The following OIP5 variants were observed in gnomAD, a reference collection of about 807,000 sequenced individuals.
OIP5 encodes the protein Opa interacting protein 5.
A neutral mutation model predicts 20.3 loss-of-function variants in OIP5; 24 were observed. The ratio of observed to expected loss-of-function variants is 1.18; its 90% CI spans 0.86 to 1.66. The LOEUF is 1.66. OIP5 is among the 40% of genes most tolerant of loss of function. The pLI, the probability that OIP5 is intolerant of heterozygous loss-of-function variation, is 0.00. For synonymous variants in OIP5, 143 were observed against 121.3 expected, an observed-to-expected ratio of 1.18 and a Z score of -1.17; for missense variants, 339 against 289.5, an observed-to-expected ratio of 1.17 and a Z score of -1.24.
chr15:41,332,419 G>T lies in OIP5; in HGVS notation c.143C>A (p.Ser48Ter), dbSNP rs1595507462. 1.2e-6 allele frequency: 2 copies of T among 1,613,990 alleles called. No individual in the cohort carries two copies. The highest frequency in any genetic ancestry group is 1.7e-6 in the Non-Finnish European group (2 of 1,179,908). ...EWDTQVVKGSSPLGPAGLGAE... is the reference protein window; with the variant it reads ...EWDTQVVKGS The stretch of plus-strand genomic sequence containing the variant: ...CCCCAGCCCTGCGGGGCCGAGCGGC[G>T]AGGACCCCTTCACCACCTGCGTATC... Residue 48 changes from serine (S) to a stop codon, truncating the protein, a stop_gained, in exon 1 of 5, where the codon TCG becomes TAG. Coordinates refer to ENST00000220514, the MANE Select transcript of OIP5 (RefSeq NM_007280.2). LOFTEE classifies it high-confidence loss of function.
chr15:41,319,239 CTTTT>C (rs567039095), intron 3 of OIP5, among the ~76,000 whole-genome samples: 2 of 142,030 alleles, frequency 1.4e-5, no homozygotes, highest in Admixed American at 7.1e-5. Context: ...TGCCCAGCTA[CTTTT>C]TTTTTTTTTT....
intron 2 of OIP5, among the ~76,000 whole-genome samples, chr15:41,330,644 C>CCGCCCGCCT (rs1255910517): frequency 1.3e-5 from 2 of 151,904 alleles, no homozygotes; most frequent in Admixed American, 1.3e-4. Flanking sequence ...ACCTTGTGAT[C>CCGCCCGCCT]CGCCCGCCTC....
Position 41,309,641 on chromosome 15 carries a change from C to G in OIP5, c.*113G>C. Reference sequence around the variant, plus strand: ...AAATCAGCCTAAAGGTAAATAGAAACTGCATTTCCCCTCCATTCTTGAAGC... The same window carrying G: ...AAATCAGCCTAAAGGTAAATAGAAAGTGCATTTCCCCTCCATTCTTGAAGC... On this transcript the variant is annotated 3_prime_UTR_variant, in exon 5 of 5. Coordinates refer to ENST00000220514, the MANE Select transcript of OIP5 (RefSeq NM_007280.2). The G allele has an allele frequency of 1.5e-6, 1 of 658,752 alleles. No individual in the cohort carries two copies. Among genetic ancestry groups the G allele is most frequent in the Non-Finnish European group, 2.6e-6 (1 of 382,858 alleles). The allele number at this position is 658,752 out of a possible 1,614,324, so 40.8% of individuals were successfully genotyped here. A position where few individuals can be genotyped will look rare whatever the true frequency, so the allele number is the denominator to read the frequency against.
rs1261654005 is a variant in OIP5, at chr15:41,317,629, C to G, written c.512+2029G>C. 2.0e-5 allele frequency among the ~76,000 whole-genome samples: 3 copies of G among 151,986 alleles called. No individual in the cohort carries two copies. The East Asian group carries it at 5.8e-4, about 29-fold the overall frequency. On this transcript the variant is annotated intron_variant, in intron 3 of 4. Coordinates refer to ENST00000220514, the MANE Select transcript of OIP5 (RefSeq NM_007280.2). ...TCTCCTGACCTCATGATCTGCCCAC[C>G]TCGGCCTCCCAAAGTACTGGGGTTA...
chr15:41,320,636 C>T (rs1358001326), intron 2 of OIP5, among the ~76,000 whole-genome samples: 4 of 152,184 alleles, frequency 2.6e-5, no homozygotes, highest in Admixed American at 2.0e-4. Context: ...CTCGCTACAA[C>T]CTCCACCTCC....
At chr15:41,322,222 T>C (rs1043988919) in intron 2 of OIP5, among the ~76,000 whole-genome samples, 1 of 152,148 alleles carries the variant, frequency 6.6e-6, no homozygotes, top group Non-Finnish European at 1.5e-5. Flanking sequence ...GCAGATAGCT[T>C]GAGCCCAGGA....
At chr15:41,319,615 T>C in intron 3 of OIP5, 43 bp downstream of exon 3, 1 of 1,558,124 alleles carries the variant, frequency 6.4e-7, no homozygotes, top group South Asian at 1.2e-5. Context: ...TCAAAATAAA[T>C]AAAATAAAAT....
intron 2 of OIP5, among the ~76,000 whole-genome samples, chr15:41,322,672 C>T (rs1595502105): frequency 6.6e-6 from 1 of 152,174 alleles, no homozygotes; most frequent in African/African-American, 2.4e-5. Context: ...TGATGGCTCA[C>T]GCCTGTAATC....
At chr15:41,319,847 G>T in intron 2 of OIP5, 67 bp from the exon 3 acceptor site, 1 of 1,368,008 alleles carries the variant, frequency 7.3e-7, no homozygotes, top group East Asian at 2.5e-5. Context: ...AAAATAACTA[G>T]TCTCTGAAGC....
intron 3 of OIP5, among the ~76,000 whole-genome samples, chr15:41,314,620 A>G (rs8038355): frequency 6.7e-6 from 1 of 150,162 alleles, no homozygotes; most frequent in Non-Finnish European, 1.5e-5. Context: ...TGGGCAACAT[A>G]GCGAAACTCC....
chr15:41,331,810 G>C, intron 2 of OIP5, 105 bp downstream of exon 2: 1 of 913,590 alleles, frequency 1.1e-6, no homozygotes, highest in African/African-American at 1.6e-5. Context: ...AGTCAAACAG[G>C]TAAAAGCAGC....
At chr15:41,319,358 C>T (rs1384466027) in intron 3 of OIP5, among the ~76,000 whole-genome samples, 1 of 151,884 alleles carries the variant, frequency 6.6e-6, no homozygotes, top group African/African-American at 2.4e-5. Context: ...CAGGTTCCAA[C>T]AATTCTCGTG....
intron 3 of OIP5, among the ~76,000 whole-genome samples, chr15:41,317,911 C>A (rs1027726964): frequency 6.6e-6 from 1 of 151,830 alleles, no homozygotes; most frequent in Non-Finnish European, 1.5e-5. Context: ...AACTCCTAAG[C>A]TCAAACAATC....
At chr15:41,318,155 A>C (rs2047799590) in intron 3 of OIP5, among the ~76,000 whole-genome samples, 1 of 152,068 alleles carries the variant, frequency 6.6e-6, no homozygotes, top group Non-Finnish European at 1.5e-5. Context: ...TGTTCTTTTT[A>C]TCTTTTATTT....
At chr15:41,329,329 T>TA (rs2047882560) in intron 2 of OIP5, among the ~76,000 whole-genome samples, 1 of 150,164 alleles carries the variant, frequency 6.7e-6, no homozygotes, top group African/African-American at 2.4e-5. Context: ...TTTTTTTTTT[T>TA]TTTTCAGACG....
At chr15:41,332,020 G>A (rs1446539418) in intron 1 of OIP5, 39 bp from the exon 2 acceptor site, 35 of 1,598,114 alleles carry the variant, frequency 2.2e-5, no homozygotes, top group Non-Finnish European at 2.9e-5. Flanking sequence ...ATACTCTGCG[G>A]GCCTTGAAAT....
rs754400453 is a variant in OIP5, at chr15:41,319,684, G to T, written c.486C>A (p.Phe162Leu). The change falls in exon 3 of 5, where the codon TTC becomes TTA. Residue 162 changes from phenylalanine (F) to leucine (L), a missense_variant. Phe to Leu is a conservative substitution (Grantham distance 22). Coordinates refer to ENST00000220514, the MANE Select transcript of OIP5 (RefSeq NM_007280.2). The stretch of plus-strand genomic sequence containing the variant: ...ACACCATTTTGTCACTGGAAAGGCA[G>T]AAGTGACCTCTCAAGGCAGCCAGGG... The part of the protein sequence containing the change: ...HAALAALRGH[F>L]CLSSDKMVCY... The T allele has an allele frequency of 8.7e-6, 14 of 1,613,752 alleles. No homozygotes were observed. The highest frequency in any genetic ancestry group is 2.7e-5 in the African/African-American group (2 of 74,920).
At chr15:41,312,567 C>G (rs2047763016) in intron 4 of OIP5, among the ~76,000 whole-genome samples, 1 of 151,502 alleles carries the variant, frequency 6.6e-6, no homozygotes, top group African/African-American at 2.4e-5. Flanking sequence ...TCAAGCGATT[C>G]TCCTGCCTCA....
rs113900494 is a variant in OIP5 at position 41,326,456 on chromosome 15, G to A, written c.389+5459C>T. 2.4e-3 allele frequency among the ~76,000 whole-genome samples: 371 copies of A among 152,118 alleles called. 2 individuals carry two copies. The highest frequency in any genetic ancestry group is 8.5e-3 in the African/African-American group (353 of 41,506). On this transcript the variant is annotated intron_variant, in intron 2 of 4. Transcript: ENST00000220514. ...TTGTGATTTTTTGAGATGGAGTTTCGCTCATTCCCCAGGCTGGAGTGCAAT... is the reference window on the plus strand; with the variant it reads ...TTGTGATTTTTTGAGATGGAGTTTCACTCATTCCCCAGGCTGGAGTGCAAT...
Sources: gnomAD v4.1 joint callset for allele counts (sites outside exome capture counted in the v4.1 genomes callset) on GRCh38, gnomAD v4.1.1 for gene constraint, MANE v1.5 for transcripts, NCBI Gene and HGNC (gene_info 2026-07-23, HGNC 2026-07-21) for gene names.